Variants in RNMT observed in about 807,000 individuals in gnomAD.
The protein encoded by RNMT is mRNA cap guanine-N(7) methyltransferase.
In RNMT, 27 loss-of-function variants were observed where a neutral mutation model predicts 56.0. The observed-to-expected ratio is 0.48, with a 90% CI of 0.36 to 0.67. The LOEUF is 0.67. RNMT is among the 30% of genes least tolerant of loss of function. The pLI, the probability that RNMT is intolerant of heterozygous loss-of-function variation, is 0.00. For synonymous variants in RNMT, 184 were observed against 176.2 expected, an observed-to-expected ratio of 1.04 and a Z score of -0.35; for missense variants, 519 against 552.1, an observed-to-expected ratio of 0.94 and a Z score of 0.60.
intron 5 of RNMT, among the ~76,000 whole-genome samples, chr18:13,739,960 C>G (rs8097240): frequency 6.6e-6 from 1 of 152,026 alleles, no homozygotes. Flanking sequence ...TTATAGCGTC[C>G]GTACCTATTG....
intron 11 of RNMT, among the ~76,000 whole-genome samples, chr18:13,754,533 T>C (rs1162560146): frequency 6.6e-6 from 1 of 152,208 alleles, no homozygotes; most frequent in Non-Finnish European, 1.5e-5. Flanking sequence ...TGAGTTTTTC[T>C]GACATTTTAG....
At chr18:13,728,033 A>G (rs1048382360) in intron 1 of RNMT, among the ~76,000 whole-genome samples, 1 of 152,166 alleles carries the variant, frequency 6.6e-6, no homozygotes, top group African/African-American at 2.4e-5. Flanking sequence ...TTGTGAATAA[A>G]CTTGAGACTG....
At chr18:13,750,471 T>G (rs2044422285) in intron 9 of RNMT, among the ~76,000 whole-genome samples, 1 of 152,116 alleles carries the variant, frequency 6.6e-6, no homozygotes, top group South Asian at 2.1e-4. Context: ...TTATGTAGCT[T>G]CTTTCAGCTG....
In RNMT at chr18:13,760,039, A is replaced by T. The variant is rs2044600452; in HGVS notation, c.*60A>T. The T allele has an allele frequency of 1.3e-6, 2 of 1,587,346 alleles. No homozygotes were observed. Among genetic ancestry groups the T allele is most frequent in the Non-Finnish European group, 1.7e-6 (2 of 1,166,544 alleles). On this transcript the variant is annotated 3_prime_UTR_variant, in exon 12 of 12. Coordinates refer to ENST00000383314, the MANE Select transcript of RNMT (RefSeq NM_003799.3). Reference sequence around the variant, plus strand: ...TGTCCTGCACAAATTTGAACAACTCATCTCGATATATTTGATATTTCTCTG... The same window carrying T: ...TGTCCTGCACAAATTTGAACAACTCTTCTCGATATATTTGATATTTCTCTG...
chr18:13,735,207 T>G (rs1415439643), intron 4 of RNMT, among the ~76,000 whole-genome samples: 1 of 152,162 alleles, frequency 6.6e-6, no homozygotes, highest in Admixed American at 6.5e-5. Flanking sequence ...TTAAAATTTT[T>G]CATAATAAAG....
intron 9 of RNMT, among the ~76,000 whole-genome samples, chr18:13,746,549 A>G (rs921835418): frequency 2.0e-5 from 3 of 152,240 alleles, no homozygotes; most frequent in East Asian, 1.9e-4. Flanking sequence ...TCTGTTTTCT[A>G]GGATAGTACT....
At chr18:13,740,353 C>A in intron 6 of RNMT, 74 bp downstream of exon 6, 2 of 859,308 alleles carry the variant, frequency 2.3e-6, no homozygotes, top group Non-Finnish European at 3.7e-6. Flanking sequence ...TAAAAATCAA[C>A]TCAATTTTTA....
Position 13,762,050 on chromosome 18 carries a change from AC to A in RNMT, c.*2072del. 5 of 1,536,060 alleles carry A rather than the reference AC, an allele frequency of 3.3e-6. No individual in the cohort carries two copies. The highest frequency in any genetic ancestry group is 4.4e-6 in the Non-Finnish European group (5 of 1,146,872). On this transcript the variant is annotated 3_prime_UTR_variant, in exon 12 of 12. Coordinates refer to ENST00000383314, the MANE Select transcript of RNMT (RefSeq NM_003799.3). ...GGTATTCTATTCAGGACTTACGGTA[AC>A]TATTATGAGGGAGGCATGGCTTTCC...
chr18:13,727,266 A>C (rs2043975072), intron 1 of RNMT, among the ~76,000 whole-genome samples: 1 of 152,176 alleles, frequency 6.6e-6, no homozygotes, highest in Non-Finnish European at 1.5e-5. Flanking sequence ...AGCTGAAATG[A>C]CGCAGAGACA....
At chr18:13,740,136 G>T (rs764033963) in intron 5 of RNMT, 31 bp from the exon 6 acceptor site, 9 of 1,306,918 alleles carry the variant, frequency 6.9e-6, no homozygotes, top group Non-Finnish European at 1.0e-5. Context: ...ATTCTGTGTT[G>T]ATACTTACTA....
chr18:13,741,694 A>G lies in RNMT; in HGVS notation c.974+3A>G. 1 of 1,579,682 alleles carries G rather than the reference A, an allele frequency of 6.3e-7. No homozygotes were observed. The highest frequency in any genetic ancestry group is 1.1e-5 in the South Asian group (1 of 87,096). ...ACTCCCAATAGCTTTGAATTGATGT[A>G]AGTACTTCTAAATATATTGTGGTTT... On this transcript the variant is annotated splice_donor_region_variant and intron_variant, in intron 7 of 11. Coordinates refer to ENST00000383314, the MANE Select transcript of RNMT (RefSeq NM_003799.3).
At chr18:13,743,673 A>G (rs1393682952) in intron 8 of RNMT, among the ~76,000 whole-genome samples, 1 of 152,010 alleles carries the variant, frequency 6.6e-6, no homozygotes, top group African/African-American at 2.4e-5. Flanking sequence ...TGATTGATTG[A>G]ACTTGATTTT....
chr18:13,728,320 TTTTTTTTTTTTGTGTGTGTGTG>T (rs1292403426), intron 1 of RNMT, among the ~76,000 whole-genome samples: 10 of 13,340 alleles, frequency 7.5e-4, no homozygotes, highest in Admixed American at 3.7e-3. Context: ...TTTTTTTTTT[TTTTTTTTTTTTGTGTGTGTGTG>T]TGTGTGTGTG....
In RNMT at chr18:13,760,634, A is replaced by G. The variant is rs929391561; in HGVS notation, c.*655A>G. 11 of 985,232 alleles carry G rather than the reference A, an allele frequency of 1.1e-5. No homozygotes were observed. Among genetic ancestry groups the G allele is most frequent in the Non-Finnish European group, 1.3e-5 (11 of 829,840 alleles). The allele number at this position is 985,232 out of a possible 1,614,324, so 61.0% of individuals were successfully genotyped here. A position where few individuals can be genotyped will look rare whatever the true frequency, so the allele number is the denominator to read the frequency against. On this transcript the variant is annotated 3_prime_UTR_variant, in exon 12 of 12. Transcript: ENST00000383314. ...TGGAATTTTGGGGCTTTCTTTTCAG[A>G]AATTGCTACCATAGTAATTAATGTT...
At chr18:13,731,413 A>AG (rs1450222607) in intron 2 of RNMT, 63 bp from the exon 3 acceptor site, 2 of 955,022 alleles carry the variant, frequency 2.1e-6, no homozygotes, top group Non-Finnish European at 3.1e-6. Context: ...CGTCTCAAAA[A>AG]AAAAAAAAAT....
In RNMT at chr18:13,737,170, G is replaced by A. The variant is rs771357910; in HGVS notation, c.679+35G>A. On this transcript the variant is annotated intron_variant, in intron 5 of 11. Transcript: ENST00000383314. Reference sequence around the variant, plus strand: ...ATAATGATATGGGAAAGAATAATTTGTAGTCAGATAAATGGAAAATAAGAA... The same window carrying A: ...ATAATGATATGGGAAAGAATAATTTATAGTCAGATAAATGGAAAATAAGAA... 10 of 1,524,636 alleles carry A rather than the reference G, an allele frequency of 6.6e-6. No individual in the cohort carries two copies. In the East Asian group the frequency reaches 6.9e-5, roughly 10 times the overall value. 94.4% of individuals were successfully genotyped at this position (1,524,636 alleles called of 1,614,324 possible).
intron 3 of RNMT, among the ~76,000 whole-genome samples, chr18:13,732,317 A>G (rs1405087705): frequency 6.6e-6 from 1 of 152,132 alleles, no homozygotes; most frequent in African/African-American, 2.4e-5. Context: ...GGCGTTTTTA[A>G]AAAGACTAGA....
chr18:13,737,199 T>G, intron 5 of RNMT, 64 bp downstream of exon 5: 1 of 1,395,950 alleles, frequency 7.2e-7, no homozygotes. Context: ...ATAAGAAGGA[T>G]TGTCTCAAAT....
At chr18:13,741,420 A>G in intron 6 of RNMT, 90 bp from the exon 7 acceptor site, 1 of 776,124 alleles carries the variant, frequency 1.3e-6, no homozygotes, top group Non-Finnish European at 2.1e-6. Context: ...GGAAAGGAAG[A>G]ACCTTACATT....
Sources: gnomAD v4.1 joint callset for allele counts (sites outside exome capture counted in the v4.1 genomes callset) on GRCh38, gnomAD v4.1.1 for gene constraint, MANE v1.5 for transcripts, NCBI Gene and HGNC (gene_info 2026-07-23, HGNC 2026-07-21) for gene names.